Variants in ZNF282 observed in about 807,000 individuals in gnomAD.
ZNF282 encodes the protein HTLV-I U5 repressive element-binding protein 1.
Under a neutral mutation model 61.9 loss-of-function variants are expected in ZNF282, and 30 were observed. The observed-to-expected ratio is 0.48, with a 90% CI of 0.36 to 0.66. The LOEUF is 0.66. ZNF282 is among the 30% of genes least tolerant of loss of function. ZNF282 has a pLI of 0.00. For synonymous variants in ZNF282, 396 were observed against 405.0 expected (o/e 0.98, Z 0.27); for missense variants, 788 against 941.4 (o/e 0.84, Z 2.13).
chr7:149,205,438 AAAAT>A (rs1404185813), intron 2 of ZNF282, among the ~76,000 whole-genome samples: 2 of 152,354 alleles, frequency 1.3e-5, no homozygotes, highest in East Asian at 1.9e-4. Flanking sequence ...TCTGTCTCAA[AAAAT>A]AAATAAATAA....
Position 149,213,698 on chromosome 7 carries a change from C to A in ZNF282, c.1067-3C>A. The A allele has an allele frequency of 6.2e-7, 1 of 1,609,106 alleles. No individual in the cohort carries two copies. Among genetic ancestry groups the A allele is most frequent in the Non-Finnish European group, 8.5e-7 (1 of 1,175,962 alleles). On this transcript the variant is annotated splice_polypyrimidine_tract_variant and splice_region_variant and intron_variant, in intron 6 of 7. Coordinates refer to ENST00000610704, the MANE Select transcript of ZNF282 (RefSeq NM_003575.4). ...TAAGACTGCCTTCTTTCCATGACAA[C>A]AGAGTCTCTCATCTCAGCACATGAC...
chr7:149,212,988 G>A (rs972820282), intron 6 of ZNF282, among the ~76,000 whole-genome samples: 1 of 152,206 alleles, frequency 6.6e-6, no homozygotes, highest in African/African-American at 2.4e-5. Context: ...TCTCTTGAGT[G>A]AATACTAGTT....
At chr7:149,223,661 C>T (rs1796296434) in intron 7 of ZNF282, 151 bp from the exon 8 acceptor site, 2 of 821,852 alleles carry the variant, frequency 2.4e-6, no homozygotes, top group Non-Finnish European at 3.3e-6. Context: ...GTCGAAGGGC[C>T]ACGTAGATCG....
At chr7:149,207,716 C>G (rs1796018496) in intron 4 of ZNF282, among the ~76,000 whole-genome samples, 1 of 152,220 alleles carries the variant, frequency 6.6e-6, no homozygotes, top group Non-Finnish European at 1.5e-5. Flanking sequence ...GCTCTGGACT[C>G]TCAAGTAAGC....
chr7:149,204,878 G>A (rs1217026565), intron 2 of ZNF282, among the ~76,000 whole-genome samples: 2 of 152,168 alleles, frequency 1.3e-5, no homozygotes, highest in Admixed American at 6.5e-5. Flanking sequence ...CAACACTTGG[G>A]GAGGCCAAGG....
intron 3 of ZNF282, 91 bp from the exon 4 acceptor site, chr7:149,207,260 G>C: frequency 6.8e-7 from 1 of 1,473,318 alleles, no homozygotes; most frequent in Non-Finnish European, 9.1e-7. Flanking sequence ...GAGGAGAGGG[G>C]GAGATGGGGT....
chr7:149,207,839 C>T (rs928225914), intron 4 of ZNF282, among the ~76,000 whole-genome samples: 1 of 152,220 alleles, frequency 6.6e-6, no homozygotes, highest in Non-Finnish European at 1.5e-5. Context: ...GGTTTCGCCC[C>T]GGCCCGTCGC....
At position 149,224,154 on chromosome 7, in the gene ZNF282, T is replaced by G. The variant is rs953291766; in HGVS notation, c.1523T>G (p.Leu508Arg). The G allele has an allele frequency of 1.3e-6, 2 of 1,548,316 alleles. No individual in the cohort carries two copies. Among genetic ancestry groups the G allele is most frequent in the South Asian group, 1.2e-5 (1 of 82,760 alleles). ...TGCCCTGGCGGGCTGCGGCGGAGCC[T>G]CCTCCTGCACGGCGCCCGCAGCAAG... ...SCCPGGLRRS[L>R]LLHGARSKPY... Residue 508 changes from leucine (L) to arginine (R), a missense_variant, in exon 8 of 8, where the codon CTC becomes CGC. By Grantham distance (102) the Leu-to-Arg change is moderately radical. Transcript: ENST00000610704.
Position 149,224,823 on chromosome 7 carries a change from C to A in ZNF282, c.*176C>A, listed in dbSNP as rs1464797515. 4.2e-6 allele frequency: 5 copies of A among 1,200,090 alleles called. No individual in the cohort carries two copies. The African/African-American group carries it at 6.1e-5, about 15-fold the overall frequency. 74.3% of individuals were successfully genotyped at this position (1,200,090 alleles called of 1,614,324 possible). On this transcript the variant is annotated 3_prime_UTR_variant, in exon 8 of 8. Transcript: ENST00000610704. ...CCCAGATCTGTCTGGTCTGAATGGA[C>A]GCCCAGCTCATCTAGGGTGGACCCA...
At chr7:149,213,110 G>C (rs2129523471) in intron 6 of ZNF282, among the ~76,000 whole-genome samples, 1 of 152,360 alleles carries the variant, frequency 6.6e-6, no homozygotes, top group East Asian at 1.9e-4. Context: ...TGATTGCAGA[G>C]CTGAGAAGTC....
intron 7 of ZNF282, among the ~76,000 whole-genome samples, chr7:149,217,229 G>A (rs1796171235): frequency 6.6e-6 from 1 of 152,068 alleles, no homozygotes; most frequent in Non-Finnish European, 1.5e-5. Flanking sequence ...ACACAGTATT[G>A]TAAGCACTTA....
At chr7:149,211,204 G>A (rs1202423) in intron 5 of ZNF282, among the ~76,000 whole-genome samples, 123,836 of 151,990 alleles carry the variant, frequency 0.81, 51,604 homozygotes, top group Middle Eastern at 0.96. Context: ...GTAGGTGAGA[G>A]CTCTGTTATA....
rs1239101837 is a variant in ZNF282, at chr7:149,210,584, G to T, written c.833-1G>T. ...AAAGCAATGTCATTCTCTGTCCCCA[G>T]GAGCAGAGCCCCTGGTGCCTGCGCA... On this transcript the variant is annotated splice_acceptor_variant, in intron 4 of 7. Transcript: ENST00000610704. LOFTEE classifies it high-confidence loss of function. 1 of 1,610,672 alleles carries T rather than the reference G, an allele frequency of 6.2e-7. No individual in the cohort carries two copies. Among genetic ancestry groups the T allele is most frequent in the South Asian group, 1.1e-5 (1 of 90,118 alleles).
At chr7:149,217,287 G>A (rs1037499820) in intron 7 of ZNF282, among the ~76,000 whole-genome samples, 23 of 152,222 alleles carry the variant, frequency 1.5e-4, no homozygotes, top group Admixed American at 5.9e-4. Context: ...CTGTAATCCC[G>A]GCACTTTGGG....
At chr7:149,195,799 G>A in intron 1 of ZNF282, 45 bp downstream of exon 1, 2 of 1,426,438 alleles carry the variant, frequency 1.4e-6, no homozygotes, top group South Asian at 1.5e-5. Context: ...CCGTGGGGGC[G>A]GGGCGCGGGC....
chr7:149,224,077 G>A lies in ZNF282; in HGVS notation c.1446G>A (p.Gly482=). ...GCGGCGGGGGCGATGGGGGCGGTGGGGGCGGCGGCGCGGAGGCGGGGACGG... is the reference window on the plus strand; with the variant it reads ...GCGGCGGGGGCGATGGGGGCGGTGGAGGCGGCGGCGCGGAGGCGGGGACGG... ...TGGGGGDGGG[G]GGGAEAGTGA... is the part of the protein sequence containing the mutation. Residue 482 remains glycine (G), a synonymous_variant, in exon 8 of 8, where the codon GGG becomes GGA. Transcript: ENST00000610704. 1.6e-6 allele frequency: 2 copies of A among 1,233,790 alleles called. No homozygotes were observed. Among genetic ancestry groups the A allele is most frequent in the Non-Finnish European group, 2.0e-6 (2 of 988,346 alleles). 76.4% of individuals were successfully genotyped at this position (1,233,790 alleles called of 1,614,324 possible).
chr7:149,197,368 A>C (rs1380689911), intron 1 of ZNF282, among the ~76,000 whole-genome samples: 2 of 152,258 alleles, frequency 1.3e-5, no homozygotes, highest in Admixed American at 1.3e-4. Context: ...AATGTTTATG[A>C]AACAGTAGTT....
chr7:149,198,764 T>A lies in ZNF282; in HGVS notation c.585+12T>A. Reference sequence around the variant, plus strand: ...GGGAGGCCCCCAAGGTATGTGGTGGTCCCTGGGGCAGGGATAGAGGTGAGG... The same window carrying A: ...GGGAGGCCCCCAAGGTATGTGGTGGACCCTGGGGCAGGGATAGAGGTGAGG... On this transcript the variant is annotated intron_variant, in intron 2 of 7. Transcript: ENST00000610704. The surrounding 1 kb of genome is among the most constrained non-coding windows in gnomAD (Gnocchi z 4.3). 6.2e-7 allele frequency: 1 copy of A among 1,608,502 alleles called. No individual in the cohort carries two copies.
At chr7:149,205,889 T>C (rs1795984988) in intron 2 of ZNF282, among the ~76,000 whole-genome samples, 1 of 152,048 alleles carries the variant, frequency 6.6e-6, no homozygotes, top group African/African-American at 2.4e-5. Context: ...TCAGTCGGAA[T>C]GTGAAAGTGG....
Sources: allele counts gnomAD v4.1 joint callset (sites outside exome capture counted in the v4.1 genomes callset), GRCh38; gene constraint gnomAD v4.1.1; non-coding constraint Gnocchi (gnomAD v3.1); transcripts MANE v1.5; gene names NCBI Gene and HGNC (gene_info 2026-07-23, HGNC 2026-07-21).